The following CPNE8 variants were observed in gnomAD, a reference collection of about 807,000 sequenced individuals.
The protein encoded by CPNE8 is copine-8.
A neutral mutation model predicts 81.5 loss-of-function variants in CPNE8; 45 were observed. That is an observed-to-expected ratio of 0.55 (90% CI 0.44 to 0.71). CPNE8 has a LOEUF of 0.71. Among genes scored for constraint, CPNE8 ranks in the 30% least tolerant of loss-of-function variants. The pLI is 0.00. For missense variants in CPNE8, 594 were observed against 672.1 expected, an observed-to-expected ratio of 0.88 and a Z score of 1.28; for synonymous variants, 252 against 226.3, an observed-to-expected ratio of 1.11 and a Z score of -1.02.
chr12:38,813,017 G>A (rs1336095157), intron 6 of CPNE8, among the ~76,000 whole-genome samples: 1 of 152,140 alleles, frequency 6.6e-6, no homozygotes, highest in Non-Finnish European at 1.5e-5. Flanking sequence ...TGAGAATACG[G>A]CCCACTGGAG....
At chr12:38,681,741 A>G (rs1385477326) in intron 16 of CPNE8, among the ~76,000 whole-genome samples, 2 of 152,194 alleles carry the variant, frequency 1.3e-5, no homozygotes, top group African/African-American at 2.4e-5. Context: ...CCTACAAATT[A>G]CATTCTTGCT....
chr12:38,890,137 T>C (rs1235221003), intron 1 of CPNE8, among the ~76,000 whole-genome samples: 1 of 152,198 alleles, frequency 6.6e-6, no homozygotes, highest in Non-Finnish European at 1.5e-5. Flanking sequence ...TTACCATTTA[T>C]TGACCTCATT....
chr12:38,764,807 T>C (rs1423704989), intron 8 of CPNE8, among the ~76,000 whole-genome samples: 1 of 152,030 alleles, frequency 6.6e-6, no homozygotes, highest in African/African-American at 2.4e-5. Flanking sequence ...AGCAAGTCTT[T>C]GGTATGGTGA....
chr12:38,759,027 C>T (rs900397772), intron 10 of CPNE8, among the ~76,000 whole-genome samples: 2 of 152,160 alleles, frequency 1.3e-5, no homozygotes, highest in Non-Finnish European at 2.9e-5. Flanking sequence ...AACCATTTCT[C>T]ATGTGCCCAA....
At chr12:38,779,492 G>T (rs1027638734) in intron 6 of CPNE8, among the ~76,000 whole-genome samples, 1 of 152,086 alleles carries the variant, frequency 6.6e-6, no homozygotes, top group Non-Finnish European at 1.5e-5. Flanking sequence ...TGCCTTAAAA[G>T]GTGGAGATGA....
At chr12:38,883,798 C>T (rs1208661173) in intron 1 of CPNE8, among the ~76,000 whole-genome samples, 1 of 152,184 alleles carries the variant, frequency 6.6e-6, no homozygotes, top group African/African-American at 2.4e-5. Context: ...CTTCCAGCTC[C>T]CTGTCCTTTC....
intron 15 of CPNE8, 65 bp from the exon 16 acceptor site, chr12:38,685,682 A>G: frequency 6.5e-7 from 1 of 1,539,490 alleles, no homozygotes; most frequent in Non-Finnish European, 8.9e-7. Flanking sequence ...CATGAAGATC[A>G]ATTGAAAGAG....
At chr12:38,899,170 A>C (rs935137493) in intron 1 of CPNE8, among the ~76,000 whole-genome samples, 9 of 152,184 alleles carry the variant, frequency 5.9e-5, no homozygotes, top group African/African-American at 2.2e-4. Context: ...TATGAACTGA[A>C]TGTTTGCGTC....
In CPNE8 at chr12:38,704,832, A is replaced by ATATGTGTATATATATATATATATGTG. The variant is rs201716600; in HGVS notation, c.915-1912_915-1911insCACATATATATATATATATACACATA. 1.5e-4 allele frequency among the ~76,000 whole-genome samples: 11 copies of ATATGTGTATATATATATATATATGTG among 74,182 alleles called. No individual in the cohort carries two copies. The South Asian group carries it at 3.3e-3, about 22-fold the overall frequency. The allele number at this position is 74,182 out of a possible 152,430, so 48.7% of individuals were successfully genotyped here. On this transcript the variant is annotated intron_variant, in intron 13 of 19. Transcript: ENST00000331366. Reference sequence around the variant, plus strand: ...TCTGTGTGTGTATGTATGTGTATATATATATATATATATATATATATATAT... The same window carrying ATATGTGTATATATATATATATATGTG: ...TCTGTGTGTGTATGTATGTGTATATATATGTGTATATATATATATATATGTGTATATATATATATATATATATATAT...
intron 10 of CPNE8, among the ~76,000 whole-genome samples, chr12:38,740,672 G>A (rs144158132): frequency 6.6e-6 from 1 of 152,108 alleles, no homozygotes; most frequent in Admixed American, 6.5e-5. Flanking sequence ...CTTTGGTTTT[G>A]TTTATATGCT....
At chr12:38,701,256 T>C (rs1388833005) in intron 14 of CPNE8, among the ~76,000 whole-genome samples, 1 of 152,214 alleles carries the variant, frequency 6.6e-6, no homozygotes, top group Non-Finnish European at 1.5e-5. Context: ...GGGTTCAGAT[T>C]AACTTTGTGG....
intron 6 of CPNE8, among the ~76,000 whole-genome samples, chr12:38,786,126 A>G (rs536915784): frequency 3.6e-3 from 545 of 152,330 alleles, no homozygotes; most frequent in Non-Finnish European, 5.6e-3. Context: ...GGCTGAATGG[A>G]TTAAAAAACA....
chr12:38,723,629 A>T (rs1479047942), intron 13 of CPNE8, 143 bp downstream of exon 13: 6 of 662,510 alleles, frequency 9.1e-6, no homozygotes, highest in Middle Eastern at 4.9e-4. Context: ...TTTTTTCTTT[A>T]TATCTGAAAC....
intron 19 of CPNE8, among the ~76,000 whole-genome samples, chr12:38,668,846 G>A (rs935336460): frequency 2.0e-5 from 3 of 152,006 alleles, no homozygotes; most frequent in African/African-American, 7.2e-5. Flanking sequence ...TCAGGAGGTC[G>A]AGACCATTCT....
chr12:38,708,449 G>A (rs750285332), intron 13 of CPNE8, among the ~76,000 whole-genome samples: 8 of 151,898 alleles, frequency 5.3e-5, no homozygotes, highest in East Asian at 1.9e-4. Flanking sequence ...TTAAATCCTC[G>A]AAACATTTTG....
intron 6 of CPNE8, among the ~76,000 whole-genome samples, chr12:38,822,260 G>A (rs923103828): frequency 6.6e-6 from 1 of 152,074 alleles, no homozygotes; most frequent in Non-Finnish European, 1.5e-5. Flanking sequence ...ATGAAAAGAA[G>A]AAATCTAACT....
At chr12:38,656,651 T>C (rs1238756388) in intron 19 of CPNE8, among the ~76,000 whole-genome samples, 2 of 152,194 alleles carry the variant, frequency 1.3e-5, no homozygotes, top group African/African-American at 4.8e-5. Context: ...CCTCAGTTTC[T>C]TCTTCTATAA....
intron 5 of CPNE8, among the ~76,000 whole-genome samples, chr12:38,829,839 C>T (rs1373715498): frequency 6.6e-6 from 1 of 152,158 alleles, no homozygotes; most frequent in Admixed American, 6.5e-5. Flanking sequence ...GCAGAGGTGG[C>T]TAATCCCAGT....
intron 1 of CPNE8, among the ~76,000 whole-genome samples, chr12:38,904,789 T>C (rs1300709815): frequency 1.3e-5 from 2 of 151,874 alleles, no homozygotes; most frequent in African/African-American, 4.8e-5. Context: ...GAGAGTCAGT[T>C]TTTACAAGCA....
Sources: allele counts gnomAD v4.1 joint callset (sites outside exome capture counted in the v4.1 genomes callset), GRCh38; gene constraint gnomAD v4.1.1; transcripts MANE v1.5; gene names NCBI Gene and HGNC (gene_info 2026-07-23, HGNC 2026-07-21).